The following RGN variants were observed in gnomAD, a reference collection of about 807,000 sequenced individuals.
The protein encoded by RGN is regucalcin, also known as epididymis secretory protein Li 41.
A neutral mutation model predicts 20.6 loss-of-function variants in RGN; 19 were observed. That is an observed-to-expected ratio of 0.92 (90% confidence interval 0.64 to 1.35). The LOEUF (loss-of-function observed/expected upper bound fraction) is 1.35, where lower values mean the gene tolerates loss of function less well. RGN is among the 40% of genes most tolerant of loss of function. The pLI is 0.00. For missense variants in RGN, 302 were observed against 232.7 expected, an observed-to-expected ratio of 1.30 and a Z score of -1.94; for synonymous variants, 85 against 87.2, an observed-to-expected ratio of 0.97 and a Z score of 0.14.
rs1556388035 is a variant in RGN at position 47,091,861 on chromosome X, G to A, written c.694+52G>A. The A allele has an allele frequency of 3.4e-6, 4 of 1,160,780 alleles. No individual in the cohort carries two copies. In the South Asian group the frequency reaches 7.9e-5, roughly 23 times the overall value. ...CTTGTCATGGCTAGGCAGAGATATA[G>A]CCCGAAAGTTACAGTCAGAATTTCT... is the stretch of plus-strand genomic sequence containing the variant. On this transcript the variant is annotated intron_variant, in intron 6 of 7. Transcript: ENST00000397180.
At chrX:47,083,640 G>A (rs920500368) in intron 3 of RGN, among the ~76,000 whole-genome samples, 3 of 112,006 alleles carry the variant, frequency 2.7e-5, no homozygotes, top group African/African-American at 6.5e-5. Flanking sequence ...GCCTGGCGTG[G>A]TGGCTCACGC....
At chrX:47,091,906 T>A in intron 6 of RGN, 97 bp downstream of exon 6, 2 of 1,060,338 alleles carry the variant, frequency 1.9e-6, no homozygotes, top group Admixed American at 3.0e-5. Context: ...GAGGTGCGAC[T>A]TTTTGCTCAA....
intron 6 of RGN, 52 bp from the exon 7 acceptor site, chrX:47,092,009 C>A: frequency 9.0e-7 from 1 of 1,105,581 alleles, no homozygotes; most frequent in Non-Finnish European, 1.2e-6. Flanking sequence ...AAACAATACA[C>A]AGGTTGGAAA....
At chrX:47,082,587 A>G (rs1556381927) in intron 3 of RGN, among the ~76,000 whole-genome samples, 1 of 111,549 alleles carries the variant, frequency 9.0e-6, no homozygotes, top group Non-Finnish European at 1.9e-5. Context: ...TGCTGAGATT[A>G]CAGGTGTGGG....
chrX:47,084,718 C>T, intron 4 of RGN, 118 bp downstream of exon 4: 1 of 604,859 alleles, frequency 1.7e-6, no homozygotes, highest in East Asian at 3.8e-5. Flanking sequence ...ACTTTGGGAG[C>T]CAAGGCGAGT....
chrX:47,085,377 G>C (rs183723285), intron 4 of RGN, among the ~76,000 whole-genome samples: 2 of 109,608 alleles, frequency 1.8e-5, no homozygotes, highest in African/African-American at 6.7e-5. Context: ...AAAATTAGCC[G>C]GGCGTGGTGG....
intron 3 of RGN, among the ~76,000 whole-genome samples, chrX:47,081,829 G>A (rs1930338805): frequency 8.9e-6 from 1 of 112,375 alleles, no homozygotes; most frequent in Non-Finnish European, 1.9e-5. Flanking sequence ...TTACAAGCGT[G>A]AGCTACCACG....
chrX:47,083,807 G>C (rs1428665377), intron 3 of RGN, among the ~76,000 whole-genome samples: 9 of 110,346 alleles, frequency 8.2e-5, no homozygotes, highest in Non-Finnish European at 1.7e-4. Flanking sequence ...AGCTACTCAG[G>C]AGGCTGAGGC....
rs1223791046 is a variant in RGN, at chrX:47,089,168, T to C, written c.347-608T>C. Among the ~76,000 whole-genome samples the C allele has an allele frequency of 3.6e-5, 3 of 84,411 alleles. 1 individual carries two copies. Among genetic ancestry groups the C allele is most frequent in the African/African-American group, 1.3e-4 (3 of 23,275 alleles). The allele number at this position is 84,411 out of a possible 115,157, so 73.3% of individuals were successfully genotyped here. On this transcript the variant is annotated intron_variant, in intron 4 of 7. Transcript: ENST00000397180. ...GAGACTGCATTACTGCACTCCAGCC[T>C]GGGCAACCAGGCTTTTCAGAGTTCC...
intron 6 of RGN, 83 bp downstream of exon 6, chrX:47,091,892 T>C: frequency 2.7e-6 from 3 of 1,092,781 alleles, no homozygotes. Flanking sequence ...TTTCTTTTCC[T>C]GTAGAGGTGC....
At chrX:47,081,101 C>T in intron 2 of RGN, 29 bp from the exon 3 acceptor site, 1 of 1,111,574 alleles carries the variant, frequency 9.0e-7, no homozygotes, top group Non-Finnish European at 1.2e-6. Context: ...GTGCGATGAC[C>T]TTTCACTCAC....
Position 47,092,100 on chromosome X carries a change from C to T in RGN, c.734C>T (p.Thr245Ile). The T allele has an allele frequency of 8.3e-7, 1 of 1,207,296 alleles. No individual in the cohort carries two copies. The highest frequency in any genetic ancestry group is 1.1e-6 in the Non-Finnish European group (1 of 891,914). Reference sequence around the variant, plus strand: ...ACTGTGAAGTTGCCTGTTGATAAAACAACTTCATGCTGCTTTGGAGGGAAG... The same window carrying T: ...ACTGTGAAGTTGCCTGTTGATAAAATAACTTCATGCTGCTTTGGAGGGAAG... ...LQTVKLPVDK[T>I]TSCCFGGKNY... Residue 245 changes from threonine to isoleucine, a missense_variant, in exon 7 of 8, where the codon ACA becomes ATA. Physicochemically the swap from Thr to Ile is moderately conservative, Grantham distance 89. Coordinates refer to ENST00000397180, the MANE Select transcript of RGN (RefSeq NM_152869.4).
intron 3 of RGN, among the ~76,000 whole-genome samples, chrX:47,084,210 T>A (rs1556382811): frequency 9.0e-6 from 1 of 110,927 alleles, no homozygotes; most frequent in Non-Finnish European, 1.9e-5. Flanking sequence ...CACATTTCTA[T>A]CTATTGCTGC....
rs782349871 is a variant in RGN at position 47,089,907 on chromosome X, C to T, written c.478C>T (p.Leu160=). The change falls in exon 5 of 8, where the codon CTA becomes TTA. Residue 160 remains leucine (L), a synonymous_variant. Coordinates refer to ENST00000397180, the MANE Select transcript of RGN (RefSeq NM_152869.4). ...VDISNGLDWS[L]DHKIFYYIDS... is the part of the protein sequence containing the mutation. ...CATTTCCAATGGTTTGGATTGGTCG[C>T]TAGACCACAAAATCTTCTATTACAT... 8.3e-7 allele frequency: 1 copy of T among 1,205,524 alleles called. No individual in the cohort carries two copies. Among genetic ancestry groups the T allele is most frequent in the African/African-American group, 1.8e-5 (1 of 56,663 alleles).
At chrX:47,091,176 C>G in intron 5 of RGN, among the ~76,000 whole-genome samples, 1 of 110,955 alleles carries the variant, frequency 9.0e-6, no homozygotes. Flanking sequence ...TCTGAGTGCC[C>G]CTCCTGCAAG....
intron 1 of RGN, among the ~76,000 whole-genome samples, chrX:47,078,935 A>G (rs1478304059): frequency 5.7e-5 from 6 of 105,497 alleles, no homozygotes; most frequent in Non-Finnish European, 1.2e-4. Flanking sequence ...TTGTAGTCTG[A>G]ACACTGCCCC....
In RGN at chrX:47,093,186, G is replaced by GTCAA. The variant is rs1477363727; in HGVS notation, c.*243_*246dup. The GTCAA allele has an allele frequency of 1.4e-5, 5 of 367,662 alleles. No individual in the cohort carries two copies. Among genetic ancestry groups the GTCAA allele is most frequent in the Non-Finnish European group, 2.3e-5 (5 of 214,648 alleles). The allele number at this position is 367,662 out of a possible 1,213,427, so 30.3% of individuals were successfully genotyped here. On this transcript the variant is annotated 3_prime_UTR_variant, in exon 8 of 8. Coordinates refer to ENST00000397180, the MANE Select transcript of RGN (RefSeq NM_152869.4). ...TAGAAGGGCGAAGAATCGTTCAACT[G>GTCAA]TCAATCAGCCTCTTGATTCTTTGTA...
chrX:47,082,071 T>A (rs1556381690), intron 3 of RGN, among the ~76,000 whole-genome samples: 1 of 111,969 alleles, frequency 8.9e-6, no homozygotes, highest in Non-Finnish European at 1.9e-5. Flanking sequence ...CTTTGTTTAC[T>A]GCACAAAATA....
chrX:47,082,556 T>A (rs1391219711), intron 3 of RGN, among the ~76,000 whole-genome samples: 2 of 110,823 alleles, frequency 1.8e-5, no homozygotes, highest in African/African-American at 6.6e-5. Flanking sequence ...CAAGCAATCC[T>A]CCTGCCTTGG....
Sources: gnomAD v4.1 joint callset for allele counts (sites outside exome capture counted in the v4.1 genomes callset) on GRCh38, gnomAD v4.1.1 for gene constraint, MANE v1.5 for transcripts, NCBI Gene and HGNC (gene_info 2026-07-23, HGNC 2026-07-21) for gene names.